FEM1C: variants seen among roughly 807,000 people sequenced by gnomAD.
FEM1C encodes the protein fem-1 homolog C.
In FEM1C, 15 loss-of-function variants were observed where a neutral mutation model predicts 37.6. The observed-to-expected ratio is 0.40, with a 90% confidence interval of 0.27 to 0.61. The LOEUF is 0.61. FEM1C is among the 20% of genes least tolerant of loss of function. The pLI is 0.42. For synonymous variants in FEM1C, 287 were observed against 272.8 expected (o/e 1.05, Z -0.51); for missense variants, 532 against 749.7 (o/e 0.71, Z 3.39).
At chr5:115,530,845 A>G (rs1311455440) in intron 2 of FEM1C, among the ~76,000 whole-genome samples, 2 of 152,140 alleles carry the variant, frequency 1.3e-5, no homozygotes, top group East Asian at 3.8e-4. Flanking sequence ...ATAATAAATT[A>G]GATAAAAAGA....
At chr5:115,529,361 A>G (rs1310079910) in intron 2 of FEM1C, among the ~76,000 whole-genome samples, 1 of 152,144 alleles carries the variant, frequency 6.6e-6, no homozygotes, top group Non-Finnish European at 1.5e-5. Context: ...ATCAGGAACA[A>G]CAGAAACTAG....
At chr5:115,535,167 A>G (rs530588530) in intron 2 of FEM1C, among the ~76,000 whole-genome samples, 2 of 151,846 alleles carry the variant, frequency 1.3e-5, no homozygotes, top group African/African-American at 4.8e-5. Context: ...TCTGCAGTCT[A>G]TTCCTAACAA....
chr5:115,534,113 AAAAC>A (rs1384557730), intron 2 of FEM1C, among the ~76,000 whole-genome samples: 5 of 152,008 alleles, frequency 3.3e-5, no homozygotes, highest in African/African-American at 7.2e-5. Flanking sequence ...ATTTAACACA[AAAAC>A]AATGCAAAGA....
intron 2 of FEM1C, among the ~76,000 whole-genome samples, chr5:115,536,452 T>C (rs1045571405): frequency 6.6e-6 from 1 of 151,794 alleles, no homozygotes; most frequent in Admixed American, 6.6e-5. Context: ...ACAGAGGTGG[T>C]CCACTTGTAA....
At chr5:115,534,836 T>A (rs1393550034) in intron 2 of FEM1C, among the ~76,000 whole-genome samples, 1 of 151,972 alleles carries the variant, frequency 6.6e-6, no homozygotes, top group Admixed American at 6.6e-5. Context: ...TCATCTAGGC[T>A]GGATCCAAGT....
rs897669950 is a variant in FEM1C, at chr5:115,535,868, T to C, written c.544+7082A>G. Among the ~76,000 whole-genome samples, 14 of 152,070 alleles carry C rather than the reference T, an allele frequency of 9.2e-5. No individual in the cohort carries two copies. The East Asian group carries it at 1.5e-3, about 17-fold the overall frequency. Reference sequence around the variant, plus strand: ...AATAAAAGTGATATATCTATTTCAATGGAATATTATTCTGCAATAAAAAGA... The same window carrying C: ...AATAAAAGTGATATATCTATTTCAACGGAATATTATTCTGCAATAAAAAGA... On this transcript the variant is annotated intron_variant, in intron 2 of 2. Transcript: ENST00000274457.
chr5:115,524,840 G>C lies in FEM1C; in HGVS notation c.1322C>G (p.Ala441Gly), dbSNP rs149105245. The C allele has an allele frequency of 1.2e-6, 2 of 1,611,752 alleles. No homozygotes were observed. The highest frequency in any genetic ancestry group is 2.7e-5 in the African/African-American group (2 of 74,858). Reference sequence around the variant, plus strand: ...AATTAAGTGCAAAATAATAGAAAGGGCCTTATTTAACTGTAATGGGTCAGC... The same window carrying C: ...AATTAAGTGCAAAATAATAGAAAGGCCCTTATTTAACTGTAATGGGTCAGC... Reference protein sequence around the residue: ...CPADPLQLNKALSIILHLICL... With the variant: ...CPADPLQLNKGLSIILHLICL... The change falls in exon 3 of 3, where the codon GCC becomes GGC. Residue 441 changes from alanine (A) to glycine (G), a missense_variant. Coordinates refer to ENST00000274457, the MANE Select transcript of FEM1C (RefSeq NM_020177.3).
chr5:115,535,016 T>C (rs766039249), intron 2 of FEM1C, among the ~76,000 whole-genome samples: 2 of 151,920 alleles, frequency 1.3e-5, no homozygotes, highest in African/African-American at 2.4e-5. Flanking sequence ...TTACACCATA[T>C]AGAAATAAAA....
chr5:115,525,075 A>G lies in FEM1C; in HGVS notation c.1087T>C (p.Tyr363His). 1 of 1,613,782 alleles carries G rather than the reference A, an allele frequency of 6.2e-7. No homozygotes were observed. The highest frequency in any genetic ancestry group is 8.5e-7 in the Non-Finnish European group (1 of 1,179,834). Residue 363 changes from tyrosine to histidine, a missense_variant, in exon 3 of 3, where the codon TAT becomes CAT. Transcript: ENST00000274457. ...TTGCTCTGCTGCATATCCAAAGCATACTTCCATAGGTTGATGCATCGTTTG... is the reference window on the plus strand; with the variant it reads ...TTGCTCTGCTGCATATCCAAAGCATGCTTCCATAGGTTGATGCATCGTTTG... ...NFKRCINLWK[Y>H]ALDMQQSNLD...
In FEM1C at chr5:115,543,693, G is replaced by GAAAAAA; in HGVS notation, c.-190-16_-190-11dup. ...CAACCAGGGCACCAAACTAGAGAAAGAAAAAAAAAGTAGCAGCATTTAATT... is the reference window on the plus strand; with the variant it reads ...CAACCAGGGCACCAAACTAGAGAAAGAAAAAAAAAAAAAAAGTAGCAGCATTTAATT... On this transcript the variant is annotated splice_polypyrimidine_tract_variant and intron_variant, in intron 1 of 2. Transcript: ENST00000274457. The GAAAAAA allele has an allele frequency of 7.6e-7, 1 of 1,314,854 alleles. No homozygotes were observed. The highest frequency in any genetic ancestry group is 1.5e-5 in the African/African-American group (1 of 65,340). 81.4% of individuals were successfully genotyped at this position (1,314,854 alleles called of 1,614,324 possible).
Position 115,522,433 on chromosome 5 carries a change from T to G in FEM1C, c.*1875A>C, listed in dbSNP as rs1040519395. The G allele has an allele frequency of 6.6e-6, 1 of 151,940 alleles. No homozygotes were observed. The highest frequency in any genetic ancestry group is 1.5e-5 in the Non-Finnish European group (1 of 67,878). The allele number at this position is 151,940 out of a possible 1,614,324, so 9.4% of individuals were successfully genotyped here. A position where few individuals can be genotyped will look rare whatever the true frequency, so the allele number is the denominator to read the frequency against. Reference sequence around the variant, plus strand: ...ATAGTAAAACCTCTTCATCAAAAAGTTGGAGATCGTTCATTTATATCCAAT... The same window carrying G: ...ATAGTAAAACCTCTTCATCAAAAAGGTGGAGATCGTTCATTTATATCCAAT... On this transcript the variant is annotated 3_prime_UTR_variant, in exon 3 of 3. Coordinates refer to ENST00000274457, the MANE Select transcript of FEM1C (RefSeq NM_020177.3).
Position 115,542,630 on chromosome 5 carries a change from A to C in FEM1C, c.544+320T>G, listed in dbSNP as rs148746141. 4.6e-3 allele frequency among the ~76,000 whole-genome samples: 701 copies of C among 152,192 alleles called. 4 individuals carry two copies. Among genetic ancestry groups the C allele is most frequent in the African/African-American group, 0.016 (668 of 41,546 alleles). ...TACATTTAACCATATTCCCAAGTAG[A>C]TTAAGCATAAGCCTAAAGGCTCAGA... On this transcript the variant is annotated intron_variant, in intron 2 of 2. Transcript: ENST00000274457.
At chr5:115,540,310 A>G (rs1448279790) in intron 2 of FEM1C, among the ~76,000 whole-genome samples, 3 of 152,106 alleles carry the variant, frequency 2.0e-5, no homozygotes, top group South Asian at 2.1e-4. Context: ...ACATTCATGA[A>G]GAATCACTAT....
chr5:115,536,304 C>T (rs985894164), intron 2 of FEM1C, among the ~76,000 whole-genome samples: 9 of 151,896 alleles, frequency 5.9e-5, no homozygotes, highest in Non-Finnish European at 1.2e-4. Flanking sequence ...CTGATAGAAG[C>T]AGCAATTAGA....
intron 2 of FEM1C, among the ~76,000 whole-genome samples, chr5:115,531,791 T>C (rs1754020150): frequency 6.6e-6 from 1 of 152,122 alleles, no homozygotes; most frequent in Non-Finnish European, 1.5e-5. Context: ...TGTAAAAACC[T>C]TTCTTAGCTC....
Position 115,536,372 on chromosome 5 carries a change from T to C in FEM1C, c.544+6578A>G, listed in dbSNP as rs75209410. Among the ~76,000 whole-genome samples, 913 of 152,110 alleles carry C rather than the reference T, an allele frequency of 6.0e-3. 9 individuals carry two copies. Among genetic ancestry groups the C allele is most frequent in the African/African-American group, 0.021 (878 of 41,546 alleles). On this transcript the variant is annotated intron_variant, in intron 2 of 2. Transcript: ENST00000274457. ...GACACAAAAACAGTCCTCATCTCTC[T>C]TTCTTCAGCCTACTATGCTTGGCAC...
At chr5:115,529,158 C>T (rs116518830) in intron 2 of FEM1C, among the ~76,000 whole-genome samples, 1 of 152,136 alleles carries the variant, frequency 6.6e-6, no homozygotes, top group African/African-American at 2.4e-5. Context: ...CAAGAATTTT[C>T]AGAAGCTGAT....
At chr5:115,529,965 T>C (rs190278005) in intron 2 of FEM1C, among the ~76,000 whole-genome samples, 1 of 151,754 alleles carries the variant, frequency 6.6e-6, no homozygotes, top group East Asian at 1.9e-4. Flanking sequence ...ATCAGAAAAG[T>C]ACCCAGGAGA....
intron 2 of FEM1C, among the ~76,000 whole-genome samples, chr5:115,542,693 C>G (rs144572598): frequency 9.9e-5 from 15 of 152,260 alleles, no homozygotes; most frequent in Admixed American, 2.6e-4. Context: ...TCTGGGGAAC[C>G]CATTTCCCAA....
Sources: allele counts gnomAD v4.1 joint callset (sites outside exome capture counted in the v4.1 genomes callset), GRCh38; gene constraint gnomAD v4.1.1; transcripts MANE v1.5; gene names NCBI Gene and HGNC (gene_info 2026-07-23, HGNC 2026-07-21).